The following TET2 variants were observed in gnomAD, a reference collection of about 807,000 sequenced individuals.
TET2 encodes the protein tet methylcytosine dioxygenase 2.
TET2 carries 299 observed loss-of-function variants against 142.9 expected under a neutral mutation model. The observed-to-expected ratio is 2.09, with a 90% CI of 1.90 to 2.30. The LOEUF is 2.30. Among genes scored for constraint, TET2 ranks in the 30% most tolerant of loss-of-function variants. The pLI is 0.00. For synonymous variants in TET2, 819 were observed against 849.0 expected (o/e 0.96, Z 0.61); for missense variants, 2,418 against 2,378.0 (o/e 1.02, Z -0.35).
At chr4:105,264,408 A>G (rs1475935154) in intron 8 of TET2, among the ~76,000 whole-genome samples, 1 of 152,190 alleles carries the variant, frequency 6.6e-6, no homozygotes, top group Non-Finnish European at 1.5e-5. Flanking sequence ...TTTCTATTAA[A>G]TGAATTTTTA....
intron 1 of TET2, among the ~76,000 whole-genome samples, chr4:105,179,601 A>G (rs1282430462): frequency 2.0e-5 from 3 of 152,194 alleles, no homozygotes; most frequent in African/African-American, 7.2e-5. Flanking sequence ...TATCCTCTTC[A>G]TTTGGGAAAT....
chr4:105,247,070 T>A (rs531146103), intron 6 of TET2, among the ~76,000 whole-genome samples: 10 of 152,334 alleles, frequency 6.6e-5, no homozygotes, highest in African/African-American at 2.4e-4. Context: ...TTCAAGGAAC[T>A]TTATATTATA....
chr4:105,201,978 A>AGCAATCCACCTGCCTCG (rs1726506534), intron 2 of TET2, among the ~76,000 whole-genome samples: 1 of 151,952 alleles, frequency 6.6e-6, no homozygotes, highest in Non-Finnish European at 1.5e-5. Flanking sequence ...CCTGGCCTCA[A>AGCAATCCACCTGCCTCG]GCAATCCACC....
intron 1 of TET2, among the ~76,000 whole-genome samples, chr4:105,183,434 ACT>A (rs368157281): frequency 1.3e-4 from 20 of 152,152 alleles, no homozygotes; most frequent in African/African-American, 4.3e-4. Flanking sequence ...CATTTCAATA[ACT>A]CTTTTTCCTA....
At chr4:105,204,988 T>A (rs1726732248) in intron 2 of TET2, among the ~76,000 whole-genome samples, 1 of 152,186 alleles carries the variant, frequency 6.6e-6, no homozygotes, top group Non-Finnish European at 1.5e-5. Context: ...ATTTGCTTTG[T>A]TTTCCTAAAT....
chr4:105,153,508 C>A (rs1416587725), intron 1 of TET2, among the ~76,000 whole-genome samples: 1 of 152,038 alleles, frequency 6.6e-6, no homozygotes, highest in Non-Finnish European at 1.5e-5. Flanking sequence ...GATAGAATGG[C>A]CTTTATGTTA....
intron 6 of TET2, among the ~76,000 whole-genome samples, chr4:105,247,465 CCT>C (rs1211412971): frequency 1.3e-5 from 2 of 152,122 alleles, no homozygotes; most frequent in Non-Finnish European, 2.9e-5. Context: ...AATAAAACTT[CCT>C]CTCATAAAAT....
At chr4:105,247,709 C>CTTTTCTTT (rs1729648611) in intron 6 of TET2, among the ~76,000 whole-genome samples, 3 of 115,312 alleles carry the variant, frequency 2.6e-5, no homozygotes, top group African/African-American at 9.9e-5. Flanking sequence ...GGTTCTTTTT[C>CTTTTCTTT]TTTTCTTTTT....
At chr4:105,188,336 G>A (rs1412551029) in intron 1 of TET2, among the ~76,000 whole-genome samples, 1 of 152,204 alleles carries the variant, frequency 6.6e-6, no homozygotes, top group Non-Finnish European at 1.5e-5. Flanking sequence ...GAGGCATACA[G>A]TAGAATAATG....
chr4:105,252,092 T>G (rs181285967), intron 6 of TET2, among the ~76,000 whole-genome samples: 2 of 152,280 alleles, frequency 1.3e-5, no homozygotes, highest in Admixed American at 1.3e-4. Flanking sequence ...ATTCTGTGAG[T>G]CTGGATCCAT....
rs112464379 is a variant in TET2, at chr4:105,256,607, G to A, written c.3804-3012G>A. ...GTTTATGTTACATGGAGTTAGTTGAGCTTCTTGGACATGTAGATTGATGTT... is the reference window on the plus strand; with the variant it reads ...GTTTATGTTACATGGAGTTAGTTGAACTTCTTGGACATGTAGATTGATGTT... On this transcript the variant is annotated intron_variant, in intron 6 of 10. Coordinates refer to ENST00000380013, the MANE Select transcript of TET2 (RefSeq NM_001127208.3). Among the ~76,000 whole-genome samples the A allele has an allele frequency of 7.0e-3, 1,061 of 152,230 alleles. 29 individuals carry two copies. The highest frequency in any genetic ancestry group is 0.054 in the East Asian group (281 of 5,188).
intron 6 of TET2, among the ~76,000 whole-genome samples, chr4:105,248,903 T>C (rs1729717619): frequency 6.6e-6 from 1 of 151,984 alleles, no homozygotes; most frequent in African/African-American, 2.4e-5. Context: ...ATTAGTGAAA[T>C]CATGTATTTG....
upstream of TET2, chr4:105,146,452 C>A (rs1370220138): frequency 6.6e-6 from 1 of 152,462 alleles, no homozygotes; most frequent in African/African-American, 2.4e-5. Context: ...TCCGGGCGCA[C>A]CACTCCCCCC....
Position 105,242,914 on chromosome 4 carries a change from C to G in TET2, c.3581C>G (p.Pro1194Arg), listed in dbSNP as rs1729382221. ...GAAGGCAAAAGTTCTCAGGGATGTC[C>G]TATTGCTAAGTGGGTAAGTGTGACT... ...GKEGKSSQGC[P>R]IAKWVVRRSS... The change falls in exon 5 of 11, where the codon CCT (proline) becomes CGT (arginine). Residue 1194 changes from proline (P) to arginine (R), a missense_variant. Pro to Arg is a moderately radical substitution (Grantham distance 103). Coordinates refer to ENST00000380013, the MANE Select transcript of TET2 (RefSeq NM_001127208.3). 3 of 1,551,128 alleles carry G rather than the reference C, an allele frequency of 1.9e-6. No homozygotes were observed. The highest frequency in any genetic ancestry group is 1.7e-6 in the Non-Finnish European group (2 of 1,146,668).
intron 1 of TET2, among the ~76,000 whole-genome samples, chr4:105,189,665 T>C (rs1245745054): frequency 6.6e-6 from 1 of 152,236 alleles, no homozygotes; most frequent in Non-Finnish European, 1.5e-5. Flanking sequence ...ACCCAATATT[T>C]TTACTACATC....
chr4:105,273,409 G>A (rs1482435134), intron 10 of TET2, among the ~76,000 whole-genome samples: 2 of 152,148 alleles, frequency 1.3e-5, no homozygotes, highest in African/African-American at 4.8e-5. Context: ...GAAATTCATT[G>A]TAATTTGGCA....
chr4:105,270,453 A>T (rs1730896433), intron 9 of TET2, among the ~76,000 whole-genome samples: 1 of 152,206 alleles, frequency 6.6e-6, no homozygotes, highest in South Asian at 2.1e-4. Flanking sequence ...TAATCAGTTA[A>T]GCAAAAAGCC....
chr4:105,158,709 T>G (rs1323762105), intron 1 of TET2, among the ~76,000 whole-genome samples: 1 of 152,140 alleles, frequency 6.6e-6, no homozygotes, highest in Non-Finnish European at 1.5e-5. Flanking sequence ...AATGCATTGC[T>G]GAAATTGTAA....
intron 1 of TET2, among the ~76,000 whole-genome samples, chr4:105,184,635 A>C (rs995066791): frequency 1.3e-5 from 2 of 152,338 alleles, no homozygotes; most frequent in Non-Finnish European, 1.5e-5. Flanking sequence ...TAACAGGAGA[A>C]TAGCCATCAC....
Sources: gnomAD v4.1 joint callset for allele counts (sites outside exome capture counted in the v4.1 genomes callset) on GRCh38, gnomAD v4.1.1 for gene constraint, MANE v1.5 for transcripts, NCBI Gene and HGNC (gene_info 2026-07-23, HGNC 2026-07-21) for gene names.